The following CASTOR2 variants were observed in gnomAD, a reference collection of about 807,000 sequenced individuals.
The protein encoded by CASTOR2 is cytosolic arginine sensor for mTORC1 subunit 2.
Under a neutral mutation model 31.2 loss-of-function variants are expected in CASTOR2, and 8 were observed. The ratio of observed to expected loss-of-function variants is 0.26; its 90% CI spans 0.15 to 0.46. The LOEUF (loss-of-function observed/expected upper bound fraction) is 0.46. Ranked by LOEUF, CASTOR2 falls within the 20% of genes least tolerant of loss-of-function variation. The pLI, the probability that CASTOR2 is intolerant of heterozygous loss-of-function variation, is 0.99. For synonymous variants in CASTOR2, 162 were observed against 158.7 expected (o/e 1.02, Z -0.16); for missense variants, 216 against 382.1 (o/e 0.57, Z 3.62).
At chr7:74,995,206 C>CT (rs1242373858) in intron 1 of CASTOR2, among the ~76,000 whole-genome samples, 2 of 151,842 alleles carry the variant, frequency 1.3e-5, no homozygotes, top group African/African-American at 2.4e-5. Flanking sequence ...AAGGAAGACT[C>CT]TTTTTTTTAG....
intron 1 of CASTOR2, among the ~76,000 whole-genome samples, chr7:74,983,884 G>A (rs1804003588): frequency 6.6e-6 from 1 of 151,444 alleles, no homozygotes; most frequent in South Asian, 2.1e-4. Context: ...GGACTCAAGG[G>A]TTCCTCCCGC....
At chr7:74,986,302 A>G (rs1393396201) in intron 1 of CASTOR2, among the ~76,000 whole-genome samples, 3 of 151,480 alleles carry the variant, frequency 2.0e-5, no homozygotes, top group African/African-American at 7.3e-5. Context: ...CCTGGCCAAG[A>G]TGGTGAAACC....
At chr7:75,019,124 C>A in intron 5 of CASTOR2, 29 bp downstream of exon 5, 2 of 1,551,700 alleles carry the variant, frequency 1.3e-6, no homozygotes, top group Non-Finnish European at 1.7e-6. Context: ...TGAGGGGTTG[C>A]AGGGTGGGCC....
Position 74,982,194 on chromosome 7 carries a change from C to T in CASTOR2, c.113+17096C>T, listed in dbSNP as rs1450018849. Among the ~76,000 whole-genome samples, 287 of 144,976 alleles carry T rather than the reference C, an allele frequency of 2.0e-3. 4 individuals are homozygous for T. The highest frequency in any genetic ancestry group is 6.6e-3 in the African/African-American group (256 of 38,504). ...TGGGGACAGGTGGAGGTGTCAGGGG[C>T]GCCCTCAGACTCTACCCTCCTTCAT... is the stretch of plus-strand genomic sequence containing the variant. On this transcript the variant is annotated intron_variant, in intron 1 of 8. Coordinates refer to ENST00000616305, the MANE Select transcript of CASTOR2 (RefSeq NM_001145064.3).
intron 1 of CASTOR2, among the ~76,000 whole-genome samples, chr7:74,974,199 G>A (rs1803744144): frequency 7.1e-6 from 1 of 141,132 alleles, no homozygotes; most frequent in Non-Finnish European, 1.5e-5. Context: ...ATCCCTCTGG[G>A]CTGGAGGAGC....
chr7:75,001,161 C>T (rs1179393826), intron 1 of CASTOR2, among the ~76,000 whole-genome samples: 1 of 152,184 alleles, frequency 6.6e-6, no homozygotes, highest in Non-Finnish European at 1.5e-5. Context: ...ACTGCAACCT[C>T]CGCCTCCCAG....
chr7:75,003,667 G>A (rs1401241459), intron 1 of CASTOR2, among the ~76,000 whole-genome samples: 3 of 151,504 alleles, frequency 2.0e-5, no homozygotes, highest in African/African-American at 4.8e-5. Context: ...GGAGAATGGC[G>A]TGAACCCAGG....
At position 75,029,157 on chromosome 7, in the gene CASTOR2, T is replaced by A. The variant is rs1805226928; in HGVS notation, c.*4458T>A. On this transcript the variant is annotated 3_prime_UTR_variant, in exon 9 of 9. Coordinates refer to ENST00000616305, the MANE Select transcript of CASTOR2 (RefSeq NM_001145064.3). ...TAAAGCCCAGGGCACTATTTGGTGA[T>A]CTTCAAAGGTGAACACAGGCCACCT... Among the ~76,000 whole-genome samples, 1 of 152,144 alleles carries A rather than the reference T, an allele frequency of 6.6e-6. No individual in the cohort carries two copies. Among genetic ancestry groups the A allele is most frequent in the Non-Finnish European group, 1.5e-5 (1 of 68,014 alleles).
At chr7:74,993,814 A>C (rs1379775310) in intron 1 of CASTOR2, among the ~76,000 whole-genome samples, 2 of 152,114 alleles carry the variant, frequency 1.3e-5, no homozygotes, top group South Asian at 2.1e-4. Flanking sequence ...AAAAAAAAAA[A>C]AAACACTTGT....
chr7:74,994,522 G>A (rs1218127974), intron 1 of CASTOR2, among the ~76,000 whole-genome samples: 2 of 152,092 alleles, frequency 1.3e-5, no homozygotes, highest in African/African-American at 4.8e-5. Context: ...GGGCCGAGGC[G>A]GGTGGATCAT....
chr7:75,003,789 A>G (rs1804549424), intron 1 of CASTOR2, among the ~76,000 whole-genome samples: 1 of 151,466 alleles, frequency 6.6e-6, no homozygotes, highest in African/African-American at 2.4e-5. Flanking sequence ...GAGGTCAAGG[A>G]GAGGGAGGAG....
intron 1 of CASTOR2, among the ~76,000 whole-genome samples, chr7:74,992,688 T>G (rs1804240152): frequency 6.6e-6 from 1 of 151,940 alleles, no homozygotes; most frequent in Admixed American, 6.6e-5. Context: ...TCTGCCCACC[T>G]CAGCCTCCCA....
chr7:75,009,884 A>ATTTT (rs1186959059), intron 2 of CASTOR2, among the ~76,000 whole-genome samples: 87 of 128,674 alleles, frequency 6.8e-4, no homozygotes, highest in Non-Finnish European at 1.1e-3. Flanking sequence ...CAGGCACTTA[A>ATTTT]TTTTTTTTTT....
intron 1 of CASTOR2, among the ~76,000 whole-genome samples, chr7:74,989,006 G>A (rs1295838458): frequency 6.8e-6 from 1 of 147,794 alleles, no homozygotes; most frequent in East Asian, 2.0e-4. Context: ...TGTCACCCAG[G>A]CTGGAGTGCA....
intron 2 of CASTOR2, among the ~76,000 whole-genome samples, chr7:75,014,681 T>G (rs1804828257): frequency 6.6e-6 from 1 of 152,264 alleles, no homozygotes; most frequent in South Asian, 2.1e-4. Context: ...ACAGGCTGCC[T>G]GCTCCTGGCC....
intron 1 of CASTOR2, among the ~76,000 whole-genome samples, chr7:75,004,637 G>A (rs1804569179): frequency 6.6e-6 from 1 of 152,042 alleles, no homozygotes; most frequent in East Asian, 1.9e-4. Flanking sequence ...AGTAGAATTG[G>A]GGTTTTGCCA....
rs1804931870 is a variant in CASTOR2 at position 75,019,024 on chromosome 7, C to T, written c.564C>T (p.Val188=). Residue 188 remains valine, a synonymous_variant, in exon 5 of 9, where the codon GTC becomes GTT. Transcript: ENST00000616305. ...CCAGCCCGAGCAACAGGTTCTGTGT[C>T]ACCAGCCTGGACCCTGACACGCTGC... ...PLSSPSNRFC[V]TSLDPDTLPA... is the part of the protein sequence containing the mutation. 1.3e-6 allele frequency: 2 copies of T among 1,551,872 alleles called. No homozygotes were observed. Among genetic ancestry groups the T allele is most frequent in the African/African-American group, 2.7e-5 (2 of 73,048 alleles).
In CASTOR2 at chr7:75,015,333, G is replaced by A. The variant is rs1239868758; in HGVS notation, c.185-2265G>A. On this transcript the variant is annotated intron_variant, in intron 2 of 8. Coordinates refer to ENST00000616305, the MANE Select transcript of CASTOR2 (RefSeq NM_001145064.3). ...CACCTAGGCTGGAGTGCAGTGGTGC[G>A]GTCATAGCTCACTGCAGCCTTGAAA... Among the ~76,000 whole-genome samples the A allele has an allele frequency of 2.6e-5, 4 of 152,234 alleles. No homozygotes were observed. The East Asian group carries it at 5.8e-4, about 22-fold the overall frequency.
At chr7:74,988,735 T>C (rs1804133739) in intron 1 of CASTOR2, among the ~76,000 whole-genome samples, 1 of 152,192 alleles carries the variant, frequency 6.6e-6, no homozygotes, top group Non-Finnish European at 1.5e-5. Flanking sequence ...ACAGCGACCA[T>C]GACAGTGATG....
Sources: gnomAD v4.1 joint callset for allele counts (sites outside exome capture counted in the v4.1 genomes callset) on GRCh38, gnomAD v4.1.1 for gene constraint, MANE v1.5 for transcripts, NCBI Gene and HGNC (gene_info 2026-07-23, HGNC 2026-07-21) for gene names.